Variants in TFCP2L1 observed in about 807,000 individuals in gnomAD.
TFCP2L1 encodes the protein transcription factor CP2-like protein 1.
TFCP2L1 carries 12 observed loss-of-function variants against 72.2 expected under a neutral mutation model. The ratio of observed to expected loss-of-function variants is 0.17; its 90% confidence interval spans 0.11 to 0.27. The LOEUF (loss-of-function observed/expected upper bound fraction) is 0.27, where lower values mean the gene tolerates loss of function less well. TFCP2L1 is among the 10% of genes least tolerant of loss of function. TFCP2L1 has a pLI of 1.00. For missense variants in TFCP2L1, 488 were observed against 624.6 expected, an observed-to-expected ratio of 0.78 and a Z score of 2.33; for synonymous variants, 260 against 251.0, an observed-to-expected ratio of 1.04 and a Z score of -0.34.
At chr2:121,255,992 C>G (rs556663076) in intron 2 of TFCP2L1, among the ~76,000 whole-genome samples, 50 of 152,268 alleles carry the variant, frequency 3.3e-4, no homozygotes, top group Non-Finnish European at 6.8e-4. Context: ...CCACCCACCT[C>G]GGCCACCCAA....
At chr2:121,278,311 C>T (rs1687187963) in intron 2 of TFCP2L1, among the ~76,000 whole-genome samples, 1 of 149,464 alleles carries the variant, frequency 6.7e-6, no homozygotes, top group African/African-American at 2.4e-5. Context: ...GCTGGGATTA[C>T]AGGCGTGAGC....
chr2:121,247,031 C>A, intron 5 of TFCP2L1, 61 bp from the exon 6 acceptor site: 1 of 1,590,810 alleles, frequency 6.3e-7, no homozygotes, highest in Non-Finnish European at 8.6e-7. Flanking sequence ...CCCTGGATCC[C>A]CCAAGCGCCC....
intron 6 of TFCP2L1, among the ~76,000 whole-genome samples, chr2:121,245,692 G>A (rs1407053027): frequency 6.6e-6 from 1 of 152,202 alleles, no homozygotes; most frequent in Non-Finnish European, 1.5e-5. Context: ...CAGCTGTGAT[G>A]GTGCGTCCCC....
intron 2 of TFCP2L1, among the ~76,000 whole-genome samples, chr2:121,262,446 AGAG>A: frequency 6.6e-6 from 1 of 152,320 alleles, no homozygotes; most frequent in South Asian, 2.1e-4. Flanking sequence ...CCTGGGTGAC[AGAG>A]TGAGACTCCG....
Position 121,254,436 on chromosome 2 carries a change from A to G in TFCP2L1, c.215-4789T>C, listed in dbSNP as rs768233259. Among the ~76,000 whole-genome samples the G allele has an allele frequency of 5.3e-4, 80 of 152,196 alleles. 1 individual carries two copies. The highest frequency in any genetic ancestry group is 3.3e-4 in the Admixed American group (5 of 15,282). Reference sequence around the variant, plus strand: ...ACCAGGGGATGAGAAAACATGTGACATGGGCTTTGAAGAGTGGGCAGGATT... The same window carrying G: ...ACCAGGGGATGAGAAAACATGTGACGTGGGCTTTGAAGAGTGGGCAGGATT... On this transcript the variant is annotated intron_variant, in intron 2 of 14. Coordinates refer to ENST00000263707, the MANE Select transcript of TFCP2L1 (RefSeq NM_014553.3).
At chr2:121,277,108 C>T (rs978017436) in intron 2 of TFCP2L1, among the ~76,000 whole-genome samples, 7 of 152,084 alleles carry the variant, frequency 4.6e-5, no homozygotes, top group Non-Finnish European at 1.0e-4. Context: ...AACATAAACA[C>T]CCCAACAAAA....
chr2:121,225,499 G>A, intron 14 of TFCP2L1, 63 bp downstream of exon 14: 1 of 1,521,160 alleles, frequency 6.6e-7, no homozygotes, highest in Non-Finnish European at 9.1e-7. Flanking sequence ...GGCCCATCCT[G>A]CAGGCAGGCC....
chr2:121,240,821 C>G (rs1384717129), intron 7 of TFCP2L1: 1 of 853,994 alleles, frequency 1.2e-6, no homozygotes. Flanking sequence ...TCCTGCCACT[C>G]CTTTGCGGGC....
chr2:121,224,467 C>A, intron 14 of TFCP2L1, 80 bp from the exon 15 acceptor site: 1 of 1,470,774 alleles, frequency 6.8e-7, no homozygotes, highest in Middle Eastern at 1.8e-4. Flanking sequence ...AAAAGGCACG[C>A]TGTTAGGGTA....
At chr2:121,227,437 T>C (rs1305914905) in intron 13 of TFCP2L1, among the ~76,000 whole-genome samples, 1 of 151,772 alleles carries the variant, frequency 6.6e-6, no homozygotes, top group Non-Finnish European at 1.5e-5. Flanking sequence ...ATCCCAGGAC[T>C]GTGGGAGGCC....
At chr2:121,265,006 C>T (rs1421188760) in intron 2 of TFCP2L1, among the ~76,000 whole-genome samples, 1 of 152,168 alleles carries the variant, frequency 6.6e-6, no homozygotes, top group Non-Finnish European at 1.5e-5. Context: ...AACATAGGTC[C>T]ACACAAAAAT....
At position 121,224,072 on chromosome 2, in the gene TFCP2L1, G is replaced by A. The variant is rs374657715; in HGVS notation, c.*269C>T. On this transcript the variant is annotated 3_prime_UTR_variant, in exon 15 of 15. Coordinates refer to ENST00000263707, the MANE Select transcript of TFCP2L1 (RefSeq NM_014553.3). ...TCTCCACTGTTTGCCCTTTTAGAAC[G>A]TCAGGGTTGGACCAATAGAAAAGAA... The A allele has an allele frequency of 9.8e-4, 514 of 526,584 alleles. 9 individuals carry two copies. In the South Asian group the frequency reaches 0.011, roughly 11 times the overall value. 32.6% of individuals were successfully genotyped at this position (526,584 alleles called of 1,614,324 possible).
In TFCP2L1 at chr2:121,219,583, C is replaced by T. The variant is rs1463160001; in HGVS notation, c.*4758G>A. 1 of 152,212 alleles carries T rather than the reference C, an allele frequency of 6.6e-6. No homozygotes were observed. Among genetic ancestry groups the T allele is most frequent in the Non-Finnish European group, 1.5e-5 (1 of 68,044 alleles). The allele number at this position is 152,212 out of a possible 1,614,324, so 9.4% of individuals were successfully genotyped here. A position where few individuals can be genotyped will look rare whatever the true frequency, so the allele number is the denominator to read the frequency against. On this transcript the variant is annotated 3_prime_UTR_variant, in exon 15 of 15. Coordinates refer to ENST00000263707, the MANE Select transcript of TFCP2L1 (RefSeq NM_014553.3). ...GGAGCACTGGTGGCACTGTGTACAACCAGGATGGGCACACGTAAAGGTCTC... is the reference window on the plus strand; with the variant it reads ...GGAGCACTGGTGGCACTGTGTACAATCAGGATGGGCACACGTAAAGGTCTC...
chr2:121,220,487 C>T lies in TFCP2L1; in HGVS notation c.*3854G>A, dbSNP rs760557335. 2.0e-5 allele frequency: 3 copies of T among 152,226 alleles called. No individual in the cohort carries two copies. The highest frequency in any genetic ancestry group is 2.9e-5 in the Non-Finnish European group (2 of 68,056). The allele number at this position is 152,226 out of a possible 1,614,324, so 9.4% of individuals were successfully genotyped here. ...AGATACCCCGCAAAAACCGTGACGA[C>T]CTAAGAGTAAGGAACTCAGCTTTGG... is the stretch of plus-strand genomic sequence containing the variant. On this transcript the variant is annotated 3_prime_UTR_variant, in exon 15 of 15. Coordinates refer to ENST00000263707, the MANE Select transcript of TFCP2L1 (RefSeq NM_014553.3).
Position 121,235,176 on chromosome 2 carries a change from G to A in TFCP2L1, c.1094+45C>T, listed in dbSNP as rs745538715. 2.2e-5 allele frequency: 36 copies of A among 1,604,194 alleles called. 1 individual carries two copies. The highest frequency in any genetic ancestry group is 1.3e-4 in the East Asian group (6 of 44,824). ...GTAGGGGTTTCCCACCACATGCCAC[G>A]GGACATGAGCCTCTGGCTGGCTTCA... is the stretch of plus-strand genomic sequence containing the variant. On this transcript the variant is annotated intron_variant, in intron 11 of 14. Transcript: ENST00000263707.
Position 121,223,181 on chromosome 2 carries a change from G to T in TFCP2L1, c.*1160C>A, listed in dbSNP as rs1685958440. ...CATGAACCTAAATTAACCAAGAGCT[G>T]AAGCCCTGGGCCAGTAGAGATCACT... On this transcript the variant is annotated 3_prime_UTR_variant, in exon 15 of 15. Coordinates refer to ENST00000263707, the MANE Select transcript of TFCP2L1 (RefSeq NM_014553.3). 1 of 152,196 alleles carries T rather than the reference G, an allele frequency of 6.6e-6. No homozygotes were observed. Among genetic ancestry groups the T allele is most frequent in the Non-Finnish European group, 1.5e-5 (1 of 68,032 alleles). The allele number at this position is 152,196 out of a possible 1,614,324, so 9.4% of individuals were successfully genotyped here. A position where few individuals can be genotyped will look rare whatever the true frequency, so the allele number is the denominator to read the frequency against.
At chr2:121,275,398 C>CAAAAAAAAAAAAAAAAAAAAAAAAAAAAA (rs575514638) in intron 2 of TFCP2L1, among the ~76,000 whole-genome samples, 1 of 65,728 alleles carries the variant, frequency 1.5e-5, no homozygotes, top group Non-Finnish European at 2.6e-5. Context: ...GACTCCATCT[C>CAAAAAAAAAAAAAAAAAAAAAAAAAAAAA]AAAAAAAAAA....
Position 121,234,106 on chromosome 2 carries a change from C to A in TFCP2L1, c.1183G>T (p.Asp395Tyr). The change falls in exon 12 of 15, where the codon GAC becomes TAC. Residue 395 changes from aspartate to tyrosine, a missense_variant. This residue lies in a region of TFCP2L1 where 286 missense variants were observed against 329.0 expected (regional missense o/e 0.87). Coordinates refer to ENST00000263707, the MANE Select transcript of TFCP2L1 (RefSeq NM_014553.3). ...CACAACTCACCAGACAGGTTGCTGT[C>A]TCCACTGCCGTCCCGCTTCTGCTGC... ...PLQQKRDGSGDSNLSVYHAIF... is the reference protein window; with the variant it reads ...PLQQKRDGSGYSNLSVYHAIF... 1 of 1,613,616 alleles carries A rather than the reference C, an allele frequency of 6.2e-7. No homozygotes were observed. The highest frequency in any genetic ancestry group is 8.5e-7 in the Non-Finnish European group (1 of 1,180,040).
chr2:121,277,934 ATTATT>A (rs1220480799), intron 2 of TFCP2L1, among the ~76,000 whole-genome samples: 1 of 152,144 alleles, frequency 6.6e-6, no homozygotes, highest in African/African-American at 2.4e-5. Context: ...TATAAAGTAG[ATTATT>A]TTAATAACCT....
Sources: gnomAD v4.1 joint callset for allele counts (sites outside exome capture counted in the v4.1 genomes callset) on GRCh38, gnomAD v4.1.1 for gene constraint, gnomAD v4.1.1 regional missense constraint, MANE v1.5 for transcripts, NCBI Gene and HGNC (gene_info 2026-07-23, HGNC 2026-07-21) for gene names.